The following NCKAP5 variants were observed in gnomAD, a reference collection of about 807,000 sequenced individuals.
NCKAP5 encodes nck-associated protein 5.
Under a neutral mutation model 167.0 loss-of-function variants are expected in NCKAP5, and 92 were observed. The ratio of observed to expected loss-of-function variants is 0.55; its 90% CI spans 0.47 to 0.66. The LOEUF is 0.66. NCKAP5 is among the 30% of genes least tolerant of loss of function. NCKAP5 has a pLI of 0.00. For missense variants in NCKAP5, 2,378 were observed against 2,315.0 expected (o/e 1.03, Z -0.56); for synonymous variants, 891 against 877.4 (o/e 1.02, Z -0.27).
intron 4 of NCKAP5, among the ~76,000 whole-genome samples, chr2:133,217,485 C>T (rs2086481033): frequency 1.3e-5 from 2 of 152,172 alleles, no homozygotes; most frequent in Middle Eastern, 3.4e-3. Flanking sequence ...CACATTGTCT[C>T]ATATTTTACT....
upstream of NCKAP5, among the ~76,000 whole-genome samples, chr2:133,573,453 G>A (rs1321850786): frequency 1.3e-5 from 2 of 152,134 alleles, no homozygotes. Flanking sequence ...GAGAGGAGGT[G>A]AGGGGAGAGA....
the NCKAP5 span, among the ~76,000 whole-genome samples, chr2:133,637,116 C>A: frequency 6.6e-6 from 1 of 151,408 alleles, no homozygotes; most frequent in African/African-American, 2.4e-5. Context: ...ATCTGAAAAT[C>A]AAATTTAACT....
intron 8 of NCKAP5, among the ~76,000 whole-genome samples, chr2:132,922,030 G>C (rs767167637): frequency 4.6e-5 from 7 of 152,174 alleles, no homozygotes; most frequent in African/African-American, 9.7e-5. Context: ...CCTGTACTGA[G>C]AGTCTGCCTG....
intron 3 of NCKAP5, among the ~76,000 whole-genome samples, chr2:133,318,165 G>A (rs1181074204): frequency 6.6e-6 from 1 of 152,182 alleles, no homozygotes; most frequent in Non-Finnish European, 1.5e-5. Flanking sequence ...GGAGAATCAT[G>A]CCTCAGTCAA....
At chr2:133,419,639 C>T (rs915712809) in intron 3 of NCKAP5, among the ~76,000 whole-genome samples, 10 of 152,178 alleles carry the variant, frequency 6.6e-5, no homozygotes, top group African/African-American at 1.9e-4. Flanking sequence ...TGATTTAGAA[C>T]GTATCTCCAT....
At chr2:133,088,441 C>G (rs1444973056) in intron 6 of NCKAP5, among the ~76,000 whole-genome samples, 1 of 152,134 alleles carries the variant, frequency 6.6e-6, no homozygotes, top group Non-Finnish European at 1.5e-5. Context: ...CTCAGGGTCT[C>G]TAACACCAAG....
At chr2:133,532,422 A>C (rs1685441999) in intron 2 of NCKAP5, among the ~76,000 whole-genome samples, 1 of 152,194 alleles carries the variant, frequency 6.6e-6, no homozygotes, top group Non-Finnish European at 1.5e-5. Flanking sequence ...ATTGCTCCCC[A>C]AAAATGACTG....
intron 19 of NCKAP5, among the ~76,000 whole-genome samples, chr2:132,673,910 C>T (rs72844749): frequency 7.8e-4 from 118 of 152,230 alleles, no homozygotes; most frequent in Middle Eastern, 3.4e-3. Context: ...AGCTGAGTAA[C>T]CCCTCTGCTC....
intron 3 of NCKAP5, among the ~76,000 whole-genome samples, chr2:133,473,583 TATAAG>T (rs1179020010): frequency 6.6e-6 from 1 of 152,232 alleles, no homozygotes; most frequent in African/African-American, 2.4e-5. Flanking sequence ...ACCACTGTTC[TATAAG>T]ATAATAGTTA....
chr2:133,257,403 G>A (rs111467000), intron 4 of NCKAP5, among the ~76,000 whole-genome samples: 161 of 152,304 alleles, frequency 1.1e-3, no homozygotes, highest in African/African-American at 3.7e-3. Context: ...AGAATGGAGA[G>A]AAGCAAATAC....
At chr2:132,858,257 A>C (rs916635591) in intron 11 of NCKAP5, among the ~76,000 whole-genome samples, 5 of 152,192 alleles carry the variant, frequency 3.3e-5, no homozygotes, top group Non-Finnish European at 7.3e-5. Context: ...ATCCTCAGAC[A>C]TACTGGGCTG....
Position 133,548,174 on chromosome 2 carries a change from G to C in NCKAP5, c.-62+10876C>G, listed in dbSNP as rs1034848289. Among the ~76,000 whole-genome samples the C allele has an allele frequency of 2.6e-5, 4 of 151,720 alleles. No homozygotes were observed. In the South Asian group the frequency reaches 6.2e-4, roughly 24 times the overall value. On this transcript the variant is annotated intron_variant, in intron 2 of 19. Transcript: ENST00000409261. Reference sequence around the variant, plus strand: ...GAAATGAAGCGAGAAGGGAAGGTTAGAGAAAAAAGAATAAAAAGAAATGAG... The same window carrying C: ...GAAATGAAGCGAGAAGGGAAGGTTACAGAAAAAAGAATAAAAAGAAATGAG...
intron 6 of NCKAP5, among the ~76,000 whole-genome samples, chr2:133,011,499 CTTAA>C (rs1416871605): frequency 6.6e-6 from 1 of 152,168 alleles, no homozygotes; most frequent in Non-Finnish European, 1.5e-5. Flanking sequence ...TCCCCTAGGA[CTTAA>C]TTATCTATAT....
At chr2:132,746,870 T>C (rs1231477023) in intron 16 of NCKAP5, among the ~76,000 whole-genome samples, 1 of 152,110 alleles carries the variant, frequency 6.6e-6, no homozygotes, top group Non-Finnish European at 1.5e-5. Flanking sequence ...AAACCCCCAA[T>C]ATTATGTATT....
intron 8 of NCKAP5, among the ~76,000 whole-genome samples, chr2:132,950,935 A>G (rs1006791900): frequency 1.3e-5 from 2 of 152,216 alleles, no homozygotes; most frequent in African/African-American, 2.4e-5. Flanking sequence ...AAATGATGTC[A>G]CAGGAAAAGG....
intron 5 of NCKAP5, among the ~76,000 whole-genome samples, chr2:133,135,792 T>C (rs2149815716): frequency 6.6e-6 from 1 of 152,198 alleles, no homozygotes; most frequent in South Asian, 2.1e-4. Flanking sequence ...AGTATCATTG[T>C]GAATAATAGA....
chr2:132,692,917 G>T (rs535247737), intron 19 of NCKAP5, among the ~76,000 whole-genome samples: 99 of 152,282 alleles, frequency 6.5e-4, no homozygotes, highest in African/African-American at 2.3e-3. Context: ...AACTGATGTG[G>T]TCAGGGAACC....
chr2:133,655,678 T>C, the NCKAP5 span, among the ~76,000 whole-genome samples: 2 of 152,214 alleles, frequency 1.3e-5, no homozygotes, highest in Admixed American at 1.3e-4. Flanking sequence ...TTATTTTAGA[T>C]AATAGGCAAT....
the NCKAP5 span, among the ~76,000 whole-genome samples, chr2:133,584,426 T>A: frequency 2.2e-4 from 34 of 152,296 alleles, no homozygotes; most frequent in Admixed American, 2.2e-3. Flanking sequence ...TTTGTATAGA[T>A]ACCTGGAAGA....
Sources: gnomAD v4.1 joint callset for allele counts (sites outside exome capture counted in the v4.1 genomes callset) on GRCh38, gnomAD v4.1.1 for gene constraint, MANE v1.5 for transcripts, NCBI Gene and HGNC (gene_info 2026-07-23, HGNC 2026-07-21) for gene names.